The following COL22A1 variants were observed in gnomAD, a reference collection of about 807,000 sequenced individuals.
COL22A1 encodes collagen type XXII alpha 1 chain.
In COL22A1, 221 loss-of-function variants were observed where a neutral mutation model predicts 248.9. That is an observed-to-expected ratio of 0.89 (90% CI 0.80 to 0.99). COL22A1 has a LOEUF of 0.99. Ranked by LOEUF, COL22A1 falls within the 50% of genes least tolerant of loss-of-function variation. The pLI is 0.00. For missense variants in COL22A1, 2,240 were observed against 2,179.0 expected, an observed-to-expected ratio of 1.03 and a Z score of -0.56; for synonymous variants, 891 against 793.4, an observed-to-expected ratio of 1.12 and a Z score of -2.07.
At chr8:138,600,267 T>A (rs1042060559) in intron 60 of COL22A1, among the ~76,000 whole-genome samples, 1 of 152,114 alleles carries the variant, frequency 6.6e-6, no homozygotes, top group African/African-American at 2.4e-5. Flanking sequence ...ATAATGGAAC[T>A]CCATTGCTGG....
intron 32 of COL22A1, among the ~76,000 whole-genome samples, chr8:138,697,713 C>T (rs1311996245): frequency 6.6e-6 from 1 of 152,188 alleles, no homozygotes; most frequent in East Asian, 1.9e-4. Context: ...CTTAACACCC[C>T]TCTAAATTGC....
Position 138,748,087 on chromosome 8 carries a change from C to T in COL22A1, c.2085+3371G>A, listed in dbSNP as rs140141716. Among the ~76,000 whole-genome samples, 544 of 152,310 alleles carry T rather than the reference C, an allele frequency of 3.6e-3. 6 individuals are homozygous for T. Among genetic ancestry groups the T allele is most frequent in the South Asian group, 0.026 (125 of 4,822 alleles). On this transcript the variant is annotated intron_variant, in intron 22 of 64. Transcript: ENST00000303045. ...GGGGGCACTTCCCATATCCAAAACA[C>T]TGATTTCAATGCTCCCATTGACTCC...
chr8:138,686,579 C>T (rs893379382), intron 37 of COL22A1, among the ~76,000 whole-genome samples: 3 of 152,206 alleles, frequency 2.0e-5, no homozygotes, highest in African/African-American at 7.2e-5. Context: ...AAAAAGTATG[C>T]TGTGATGTCC....
At position 138,694,860 on chromosome 8, in the gene COL22A1, C is replaced by A. The variant is rs774984967; in HGVS notation, c.2612G>T (p.Gly871Val). The A allele has an allele frequency of 1.2e-6, 2 of 1,614,082 alleles. No homozygotes were observed. Among genetic ancestry groups the A allele is most frequent in the Non-Finnish European group, 1.7e-6 (2 of 1,179,992 alleles). Residue 871 changes from glycine (G) to valine (V), a missense_variant, in exon 33 of 65, where the codon GGA becomes GTA. Gly to Val is a moderately radical substitution (Grantham distance 109, BLOSUM62 -3). Transcript: ENST00000303045. The stretch of plus-strand genomic sequence containing the variant: ...AGGCAGGCCTGGATCGCCCTTCTCT[C>A]CTTTGGGCCCTTGTTCTCCCTGTTG... Reference protein sequence around the residue: ...PRMPGEQGPKGEKGDPGLPGE... With the variant: ...PRMPGEQGPKVEKGDPGLPGE...
intron 1 of COL22A1, among the ~76,000 whole-genome samples, chr8:138,883,595 G>C (rs1169149547): frequency 4.6e-5 from 7 of 152,196 alleles, no homozygotes; most frequent in Non-Finnish European, 1.0e-4. Context: ...CGTGTCGAGG[G>C]AGGGACCTGG....
intron 1 of COL22A1, among the ~76,000 whole-genome samples, chr8:138,899,034 C>A (rs1040222282): frequency 1.3e-5 from 2 of 152,194 alleles, no homozygotes; most frequent in African/African-American, 2.4e-5. Flanking sequence ...GCTGCAGATG[C>A]AAGGATGAAT....
At chr8:138,685,560 G>A (rs78675333) in intron 37 of COL22A1, among the ~76,000 whole-genome samples, 1,928 of 152,246 alleles carry the variant, frequency 0.013, 21 homozygotes, top group Non-Finnish European at 0.018. Context: ...ATTAAAGTTA[G>A]GATGAGGTCA....
intron 41 of COL22A1, among the ~76,000 whole-genome samples, chr8:138,669,770 T>A (rs1008825881): frequency 6.6e-6 from 1 of 152,276 alleles, no homozygotes; most frequent in East Asian, 1.9e-4. Flanking sequence ...TAGGAATTAT[T>A]ACTGAGAACA....
chr8:138,707,789 G>A (rs1229600292), intron 30 of COL22A1, among the ~76,000 whole-genome samples: 9 of 152,056 alleles, frequency 5.9e-5, no homozygotes, highest in African/African-American at 9.7e-5. Flanking sequence ...TGGCCAGTGC[G>A]ATCAGGCAGG....
chr8:138,727,692 C>G (rs1401474898), intron 23 of COL22A1, among the ~76,000 whole-genome samples: 2 of 152,140 alleles, frequency 1.3e-5, no homozygotes, highest in African/African-American at 4.8e-5. Flanking sequence ...TTTGGGGGCA[C>G]CTGGACCTAG....
At chr8:138,597,253 G>T (rs752494359) in intron 61 of COL22A1, among the ~76,000 whole-genome samples, 32 of 152,078 alleles carry the variant, frequency 2.1e-4, no homozygotes, top group Non-Finnish European at 4.4e-4. Flanking sequence ...TTTCCTTCCT[G>T]CTGAAGCCAC....
chr8:138,794,106 G>A (rs374156110), intron 12 of COL22A1, among the ~76,000 whole-genome samples: 32 of 152,332 alleles, frequency 2.1e-4, no homozygotes, highest in African/African-American at 7.7e-4. Flanking sequence ...TAGCTGCTAG[G>A]CTGGGCACGG....
At chr8:138,757,915 A>G (rs1309671125) in intron 18 of COL22A1, among the ~76,000 whole-genome samples, 4 of 152,214 alleles carry the variant, frequency 2.6e-5, no homozygotes, top group Non-Finnish European at 5.9e-5. Context: ...TGCTTCCTGC[A>G]TGCAACCCTG....
chr8:138,802,873 A>C lies in COL22A1; in HGVS notation c.1556T>G (p.Val519Gly), dbSNP rs1284243820. ...GTAGAGGAGCAGCCATCTACTCACC[A>C]CATCACCTTTCTCTCCCTTAGGTCC... ...APGPKGEKGDVGIGPFGQGEK... is the reference protein window; with the variant it reads ...APGPKGEKGDGGIGPFGQGEK... The change falls in exon 11 of 65, where the codon GTG becomes GGG. Residue 519 changes from valine (V) to glycine (G), a missense_variant and splice_region_variant. Transcript: ENST00000303045. 1.9e-6 allele frequency: 3 copies of C among 1,613,222 alleles called. No homozygotes were observed. The highest frequency in any genetic ancestry group is 2.5e-6 in the Non-Finnish European group (3 of 1,179,326).
intron 41 of COL22A1, among the ~76,000 whole-genome samples, chr8:138,669,087 T>C (rs1227594777): frequency 6.6e-6 from 1 of 152,148 alleles, no homozygotes; most frequent in African/African-American, 2.4e-5. Context: ...CCTGAGCACC[T>C]TGCTGGAGAG....
At chr8:138,641,046 G>A (rs549976805) in intron 47 of COL22A1, among the ~76,000 whole-genome samples, 118 of 152,306 alleles carry the variant, frequency 7.7e-4, no homozygotes, top group African/African-American at 2.8e-3. Flanking sequence ...GCTATGAAAG[G>A]AATGGCCCAT....
chr8:138,695,538 C>A (rs1363272849), intron 32 of COL22A1, among the ~76,000 whole-genome samples: 1 of 151,956 alleles, frequency 6.6e-6, no homozygotes, highest in African/African-American at 2.4e-5. Context: ...GGGAGGGGTG[C>A]TTAACTAAGG....
At chr8:138,837,525 G>A (rs1820527777) in intron 4 of COL22A1, among the ~76,000 whole-genome samples, 3 of 152,218 alleles carry the variant, frequency 2.0e-5, no homozygotes, top group African/African-American at 7.2e-5. Flanking sequence ...CAGAAGCATG[G>A]AGAGTCCCCA....
chr8:138,808,424 A>C (rs185591301), intron 9 of COL22A1, among the ~76,000 whole-genome samples: 1 of 152,368 alleles, frequency 6.6e-6, no homozygotes, highest in African/African-American at 2.4e-5. Context: ...TGAATATATC[A>C]TCACTTCAAT....
Sources: gnomAD v4.1 joint callset for allele counts (sites outside exome capture counted in the v4.1 genomes callset) on GRCh38, gnomAD v4.1.1 for gene constraint, MANE v1.5 for transcripts, NCBI Gene and HGNC (gene_info 2026-07-23, HGNC 2026-07-21) for gene names.